The following DOCK3 variants were observed in gnomAD, a reference collection of about 807,000 sequenced individuals.
DOCK3 encodes the protein dedicator of cytokinesis protein 3.
A neutral mutation model predicts 265.6 loss-of-function variants in DOCK3; 60 were observed. The ratio of observed to expected loss-of-function variants is 0.23; its 90% CI spans 0.18 to 0.28. DOCK3 has a LOEUF of 0.28. Among genes scored for constraint, DOCK3 ranks in the 10% least tolerant of loss-of-function variants. The probability of loss-of-function intolerance (pLI) is 1.00; values close to 1 mark genes in which losing one functional copy is unlikely to be tolerated. For missense variants in DOCK3, 1,981 were observed against 2,594.3 expected (o/e 0.76, Z 5.14); for synonymous variants, 881 against 938.0 (o/e 0.94, Z 1.11).
intron 12 of DOCK3, among the ~76,000 whole-genome samples, chr3:51,188,815 A>G (rs1435469809): frequency 3.6e-5 from 1 of 27,746 alleles, no homozygotes; most frequent in African/African-American, 2.4e-4. Flanking sequence ...GGGTGTGTGT[A>G]TCACATTTTC....
rs543596711 is a variant in DOCK3 at position 51,382,930 on chromosome 3, G to T, written c.*1371G>T. 6.6e-6 allele frequency: 1 copy of T among 152,222 alleles called. No individual in the cohort carries two copies. The highest frequency in any genetic ancestry group is 2.1e-4 in the South Asian group (1 of 4,812). The allele number at this position is 152,222 out of a possible 1,614,324, so 9.4% of individuals were successfully genotyped here. A position where few individuals can be genotyped will look rare whatever the true frequency, so the allele number is the denominator to read the frequency against. ...GGTGGGTATAGTAGTACTTTACCAGGGTGCTTTTAAGTTACTTTAAAAAAA... is the reference window on the plus strand; with the variant it reads ...GGTGGGTATAGTAGTACTTTACCAGTGTGCTTTTAAGTTACTTTAAAAAAA... On this transcript the variant is annotated 3_prime_UTR_variant, in exon 53 of 53. Coordinates refer to ENST00000266037, the MANE Select transcript of DOCK3 (RefSeq NM_004947.5).
intron 1 of DOCK3, among the ~76,000 whole-genome samples, chr3:50,696,728 G>C (rs1319111136): frequency 6.6e-6 from 1 of 152,158 alleles, no homozygotes; most frequent in Non-Finnish European, 1.5e-5. Flanking sequence ...TCTGTTAAGT[G>C]CTATGGGAAA....
At chr3:50,708,724 C>T (rs972806054) in intron 1 of DOCK3, among the ~76,000 whole-genome samples, 5 of 152,338 alleles carry the variant, frequency 3.3e-5, no homozygotes, top group East Asian at 3.9e-4. Context: ...ACGTCTATCA[C>T]TTGGGGATCT....
rs185374652 is a variant in DOCK3 at position 51,125,054 on chromosome 3, G to A, written c.747-21495G>A. On this transcript the variant is annotated intron_variant, in intron 9 of 52. Transcript: ENST00000266037. ...CTCAGGAGGCTGAAGCAGAAGAATC[G>A]CTTGAACCTAGGAGCCGAGATCACG... Among the ~76,000 whole-genome samples, 112 of 151,496 alleles carry A rather than the reference G, an allele frequency of 7.4e-4. 1 individual carries two copies. The highest frequency in any genetic ancestry group is 1.9e-4 in the East Asian group (1 of 5,148).
At chr3:51,196,206 G>A (rs1366663081) in intron 12 of DOCK3, among the ~76,000 whole-genome samples, 1 of 151,918 alleles carries the variant, frequency 6.6e-6, no homozygotes, top group South Asian at 2.1e-4. Flanking sequence ...AAAGTGCTGT[G>A]ATTACAGGCA....
chr3:51,090,311 A>G lies in DOCK3; in HGVS notation c.673A>G (p.Thr225Ala). ...HHFFLSLKSF[T>A]YNTIGEDTDV... The stretch of plus-strand genomic sequence containing the variant: ...CTTCTTCCTCAGCCTGAAGAGTTTC[A>G]CTTACAATACTATTGGGGAAGATAC... Residue 225 changes from threonine to alanine, a missense_variant, in exon 9 of 53, where the codon ACT (threonine) becomes GCT (alanine). By Grantham distance (58) the Thr-to-Ala change is moderately conservative (BLOSUM62 0). Transcript: ENST00000266037. 1.2e-6 allele frequency: 2 copies of G among 1,602,938 alleles called. No homozygotes were observed. The highest frequency in any genetic ancestry group is 4.5e-5 in the East Asian group (2 of 44,636).
At chr3:50,935,610 C>T (rs1173700824) in intron 5 of DOCK3, among the ~76,000 whole-genome samples, 3 of 152,206 alleles carry the variant, frequency 2.0e-5, no homozygotes, top group Non-Finnish European at 4.4e-5. Flanking sequence ...CCTCCCTTCC[C>T]CGCTGCATTG....
intron 5 of DOCK3, among the ~76,000 whole-genome samples, chr3:50,977,350 A>G (rs577213641): frequency 6.7e-6 from 1 of 150,102 alleles, no homozygotes; most frequent in East Asian, 2.0e-4. Context: ...TGGTGACAAA[A>G]TCTCTCAGCA....
chr3:50,751,968 A>G (rs1030802894), intron 1 of DOCK3, among the ~76,000 whole-genome samples: 1 of 152,038 alleles, frequency 6.6e-6, no homozygotes, highest in Non-Finnish European at 1.5e-5. Context: ...CCATGATCCA[A>G]TCACCTTCTA....
At chr3:51,036,898 C>A (rs958789814) in intron 5 of DOCK3, among the ~76,000 whole-genome samples, 2 of 152,172 alleles carry the variant, frequency 1.3e-5, no homozygotes, top group African/African-American at 4.8e-5. Flanking sequence ...TGCACAAGCT[C>A]TCTCTTTGCC....
chr3:50,846,806 A>T (rs1298590706), intron 3 of DOCK3, among the ~76,000 whole-genome samples: 1 of 152,216 alleles, frequency 6.6e-6, no homozygotes, highest in South Asian at 2.1e-4. Context: ...TAGATCTTCT[A>T]CGTGTTCCTA....
chr3:50,918,155 A>G (rs1022655440), intron 4 of DOCK3, among the ~76,000 whole-genome samples: 1 of 152,066 alleles, frequency 6.6e-6, no homozygotes, highest in Non-Finnish European at 1.5e-5. Context: ...AATCCAGTCT[A>G]TCATTGATGG....
chr3:51,248,656 C>T (rs1450199526), intron 22 of DOCK3, among the ~76,000 whole-genome samples: 2 of 151,796 alleles, frequency 1.3e-5, no homozygotes, highest in African/African-American at 4.8e-5. Context: ...GGCCGCCCAT[C>T]GTCTGGGATG....
intron 2 of DOCK3, among the ~76,000 whole-genome samples, chr3:50,811,219 G>A (rs1004316591): frequency 8.7e-5 from 6 of 68,622 alleles, no homozygotes; most frequent in Non-Finnish European, 1.6e-4. Context: ...GAGAGACCCT[G>A]TCTCTATAAA....
At chr3:50,840,159 C>T (rs1267559872) in intron 2 of DOCK3, among the ~76,000 whole-genome samples, 4 of 152,038 alleles carry the variant, frequency 2.6e-5, no homozygotes, top group African/African-American at 7.2e-5. Flanking sequence ...GTATTTTCTC[C>T]CAGTTTGTGG....
At chr3:50,880,156 C>T (rs140294440) in intron 3 of DOCK3, among the ~76,000 whole-genome samples, 3 of 152,272 alleles carry the variant, frequency 2.0e-5, no homozygotes, top group African/African-American at 7.2e-5. Flanking sequence ...ATTTATAGCA[C>T]TAAATGCCCA....
At chr3:51,310,142 T>C in intron 27 of DOCK3, 90 bp from the exon 28 acceptor site, 1 of 960,098 alleles carries the variant, frequency 1.0e-6, no homozygotes, top group Non-Finnish European at 1.6e-6. Flanking sequence ...TCCCACCCAT[T>C]GTCATGATCT....
Position 51,359,551 on chromosome 3 carries a change from G to GC in DOCK3, c.4885-960_4885-959insC, listed in dbSNP as rs2086588206. On this transcript the variant is annotated intron_variant, in intron 46 of 52. Transcript: ENST00000266037. The surrounding 1 kb of genome is among the most constrained non-coding windows in gnomAD (Gnocchi z 4.8). ...TCATTCCAGGGTCTCCTGCCTGTTT[G>GC]ACTGGTCTCTGCTGTGTGCAAACTT... Among the ~76,000 whole-genome samples, 1 of 152,186 alleles carries GC rather than the reference G, an allele frequency of 6.6e-6. No homozygotes were observed. Among genetic ancestry groups the GC allele is most frequent in the Non-Finnish European group, 1.5e-5 (1 of 68,034 alleles).
At chr3:51,355,075 G>T in intron 41 of DOCK3, 52 bp downstream of exon 41, 1 of 1,583,510 alleles carries the variant, frequency 6.3e-7, no homozygotes, top group Non-Finnish European at 8.6e-7. Flanking sequence ...TGGGAGGTGA[G>T]ATCCACCCAG....
Sources: gnomAD v4.1 joint callset for allele counts (sites outside exome capture counted in the v4.1 genomes callset) on GRCh38, gnomAD v4.1.1 for gene constraint, Gnocchi (gnomAD v3.1) non-coding constraint, MANE v1.5 for transcripts, NCBI Gene and HGNC (gene_info 2026-07-23, HGNC 2026-07-21) for gene names.